Variants in SMCO4 observed in about 807,000 individuals in gnomAD.
SMCO4 encodes the protein single-pass membrane protein with coiled-coil domains 4.
In SMCO4, 4 loss-of-function variants were observed where a neutral mutation model predicts 3.6. That is an observed-to-expected ratio of 1.11 (90% CI 0.54 to 2.53). The LOEUF (loss-of-function observed/expected upper bound fraction) is 2.53, where lower values mean the gene tolerates loss of function less well. SMCO4 is among the 30% of genes most tolerant of loss of function. SMCO4 has a pLI of 0.02. For synonymous variants in SMCO4, 36 were observed against 35.3 expected (o/e 1.02, Z -0.07); for missense variants, 70 against 80.8 (o/e 0.87, Z 0.51).
chr11:93,506,479 C>A (rs1948903804), intron 1 of SMCO4, among the ~76,000 whole-genome samples: 1 of 151,120 alleles, frequency 6.6e-6, no homozygotes, highest in Non-Finnish European at 1.5e-5. Flanking sequence ...CGCTCTGTCG[C>A]CCAGGCTGGA....
At chr11:93,532,183 T>C (rs1386618052) in intron 1 of SMCO4, among the ~76,000 whole-genome samples, 2 of 152,204 alleles carry the variant, frequency 1.3e-5, no homozygotes, top group Admixed American at 1.3e-4. Flanking sequence ...ACAGTCATAC[T>C]AGAATAGGGT....
chr11:93,528,826 C>T (rs1296251720), intron 1 of SMCO4, among the ~76,000 whole-genome samples: 1 of 152,178 alleles, frequency 6.6e-6, no homozygotes, highest in African/African-American at 2.4e-5. Flanking sequence ...ACCAGAAGAC[C>T]AACTTCTCAG....
intron 1 of SMCO4, chr11:93,535,942 T>C (rs569674966): frequency 6.7e-7 from 1 of 1,485,710 alleles, no homozygotes; most frequent in African/African-American, 1.4e-5. Context: ...TAGGGTCTTT[T>C]TGGAAAGAAT....
At chr11:93,530,319 T>G (rs1949150083) in intron 1 of SMCO4, among the ~76,000 whole-genome samples, 2 of 152,254 alleles carry the variant, frequency 1.3e-5, no homozygotes, top group Middle Eastern at 3.4e-3. Context: ...CACCACAGCC[T>G]TGTCTGTTTG....
intron 1 of SMCO4, among the ~76,000 whole-genome samples, chr11:93,522,896 G>A (rs1949071617): frequency 6.6e-6 from 1 of 152,192 alleles, no homozygotes; most frequent in Admixed American, 6.5e-5. Flanking sequence ...ACAGCAATAA[G>A]AGGGCTATCA....
At chr11:93,527,613 C>T (rs550613258) in intron 1 of SMCO4, among the ~76,000 whole-genome samples, 26 of 152,172 alleles carry the variant, frequency 1.7e-4, no homozygotes, top group African/African-American at 4.8e-4. Context: ...CACACCACCA[C>T]GCATAACTAA....
At chr11:93,535,688 A>G (rs1949216789) in intron 1 of SMCO4, 1 of 1,613,068 alleles carries the variant, frequency 6.2e-7, no homozygotes, top group Non-Finnish European at 8.5e-7. Flanking sequence ...GTGAGCTCCG[A>G]GGAAGTGAAT....
At chr11:93,513,637 A>T (rs1948978707) in intron 1 of SMCO4, among the ~76,000 whole-genome samples, 1 of 152,226 alleles carries the variant, frequency 6.6e-6, no homozygotes, top group African/African-American at 2.4e-5. Context: ...TGGAGGGCCC[A>T]GGAGGAAGAG....
intron 1 of SMCO4, among the ~76,000 whole-genome samples, chr11:93,511,600 C>T (rs907920793): frequency 7.9e-5 from 12 of 152,078 alleles, no homozygotes; most frequent in African/African-American, 2.4e-4. Flanking sequence ...GTCTAATGGT[C>T]CCCATCGGAG....
chr11:93,487,585 A>T (rs1033615561), intron 2 of SMCO4, among the ~76,000 whole-genome samples: 1 of 152,218 alleles, frequency 6.6e-6, no homozygotes, highest in Non-Finnish European at 1.5e-5. Context: ...ATCCAGAAAC[A>T]CAAAAGAATC....
At chr11:93,503,695 G>A (rs532703595) in intron 1 of SMCO4, among the ~76,000 whole-genome samples, 10 of 152,262 alleles carry the variant, frequency 6.6e-5, no homozygotes, top group South Asian at 2.1e-4. Context: ...ACAAGACCAC[G>A]TGCCAAGGAA....
At chr11:93,499,056 C>G (rs143324822) in intron 2 of SMCO4, among the ~76,000 whole-genome samples, 1 of 152,046 alleles carries the variant, frequency 6.6e-6, no homozygotes, top group East Asian at 1.9e-4. Context: ...GAGAAAGTGT[C>G]GTGGGGGTTC....
rs369642664 is a variant in SMCO4, at chr11:93,492,854, G to GTGCT, written c.-81+6418_-81+6421dup. Among the ~76,000 whole-genome samples, 224 of 152,346 alleles carry GTGCT rather than the reference G, an allele frequency of 1.5e-3. 2 individuals are homozygous for GTGCT. Among genetic ancestry groups the GTGCT allele is most frequent in the Middle Eastern group, 6.8e-3 (2 of 294 alleles). The stretch of plus-strand genomic sequence containing the variant: ...TGTGCACTCTCAATGCTTACCATGT[G>GTGCT]TGCTTCACTGCAGACCTTTGATTCC... On this transcript the variant is annotated intron_variant, in intron 2 of 2. Transcript: ENST00000298966.
intron 1 of SMCO4, among the ~76,000 whole-genome samples, chr11:93,526,121 G>T (rs1949104882): frequency 6.6e-6 from 1 of 151,960 alleles, no homozygotes; most frequent in South Asian, 2.1e-4. Flanking sequence ...ATAAAACAAG[G>T]GATTCTGCCT....
rs181193844 is a variant in SMCO4 at position 93,519,672 on chromosome 11, C to T, written c.-153-20324G>A. ...AACCAAGGCAAAGAAGGAAACAAAG[C>T]AAGAAGGTGGCTTATTATGGATCCA... On this transcript the variant is annotated intron_variant, in intron 1 of 2. Coordinates refer to ENST00000298966, the MANE Select transcript of SMCO4 (RefSeq NM_020179.3). Among the ~76,000 whole-genome samples the T allele has an allele frequency of 3.2e-3, 481 of 152,310 alleles. 1 individual carries two copies. The highest frequency in any genetic ancestry group is 6.1e-3 in the Admixed American group (94 of 15,294).
At chr11:93,506,693 G>A (rs1265133679) in intron 1 of SMCO4, among the ~76,000 whole-genome samples, 10 of 151,994 alleles carry the variant, frequency 6.6e-5, no homozygotes, top group Admixed American at 1.3e-4. Context: ...CAACCGCCTC[G>A]GCCTCCCAAA....
intron 2 of SMCO4, among the ~76,000 whole-genome samples, chr11:93,479,932 A>G (rs536550034): frequency 1.4e-4 from 22 of 152,318 alleles, no homozygotes; most frequent in East Asian, 9.7e-4. Context: ...CCCGGGTCAC[A>G]GTAATAATGA....
chr11:93,494,174 A>C (rs562921986), intron 2 of SMCO4, among the ~76,000 whole-genome samples: 3 of 152,314 alleles, frequency 2.0e-5, no homozygotes, highest in South Asian at 4.1e-4. Flanking sequence ...AGCAGGAAAA[A>C]ATAATATGGT....
intron 1 of SMCO4, among the ~76,000 whole-genome samples, chr11:93,516,948 C>T (rs1949013478): frequency 6.6e-6 from 1 of 152,068 alleles, no homozygotes; most frequent in African/African-American, 2.4e-5. Context: ...TGCCTCATAG[C>T]CCTCTGCCTT....
Sources: allele counts gnomAD v4.1 joint callset (sites outside exome capture counted in the v4.1 genomes callset), GRCh38; gene constraint gnomAD v4.1.1; transcripts MANE v1.5; gene names NCBI Gene and HGNC (gene_info 2026-07-23, HGNC 2026-07-21).